NRG3: variants seen among roughly 807,000 people sequenced by gnomAD.
NRG3 encodes the protein pro-neuregulin-3, membrane-bound isoform.
NRG3 carries 31 observed loss-of-function variants against 66.9 expected under a neutral mutation model. The observed-to-expected ratio is 0.46, with a 90% CI of 0.35 to 0.63. The LOEUF (loss-of-function observed/expected upper bound fraction) is 0.63. NRG3 is among the 20% of genes least tolerant of loss of function. The pLI, the probability that NRG3 is intolerant of heterozygous loss-of-function variation, is 0.00. For missense variants in NRG3, 910 were observed against 878.9 expected, an observed-to-expected ratio of 1.04 and a Z score of -0.45; for synonymous variants, 393 against 359.4, an observed-to-expected ratio of 1.09 and a Z score of -1.06.
At chr10:82,431,210 C>T (rs2089784441) in intron 2 of NRG3, among the ~76,000 whole-genome samples, 1 of 152,052 alleles carries the variant, frequency 6.6e-6, no homozygotes, top group Non-Finnish European at 1.5e-5. Flanking sequence ...AAATACTAGC[C>T]TCATAAAAGG....
At chr10:82,136,898 T>C (rs1034849726) in intron 1 of NRG3, among the ~76,000 whole-genome samples, 2 of 152,312 alleles carry the variant, frequency 1.3e-5, no homozygotes, top group Middle Eastern at 3.4e-3. Flanking sequence ...TTCAAACACA[T>C]AGATTCTTCA....
At position 82,063,819 on chromosome 10, in the gene NRG3, C is replaced by G. The variant is rs570588109; in HGVS notation, c.823+187656C>G. ...TCAAAGGGAGAGCAAGTCCCTCCCA[C>G]CATCGTTTGATCTATCAGGTGTGAT... is the stretch of plus-strand genomic sequence containing the variant. On this transcript the variant is annotated intron_variant, in intron 1 of 8. Coordinates refer to ENST00000372141, the MANE Select transcript of NRG3 (RefSeq NM_001010848.4). Among the ~76,000 whole-genome samples, 4 of 152,314 alleles carry G rather than the reference C, an allele frequency of 2.6e-5. No individual in the cohort carries two copies. In the East Asian group the frequency reaches 7.7e-4, roughly 29 times the overall value.
chr10:82,958,734 A>G (rs1285861032), intron 5 of NRG3, among the ~76,000 whole-genome samples: 1 of 152,184 alleles, frequency 6.6e-6, no homozygotes, highest in Non-Finnish European at 1.5e-5. Context: ...GTGCCACTGA[A>G]TGTGAATTCC....
intron 2 of NRG3, among the ~76,000 whole-genome samples, chr10:82,579,547 G>A (rs748729304): frequency 1.5e-4 from 23 of 151,872 alleles, no homozygotes; most frequent in Admixed American, 6.6e-4. Context: ...GTGCGTTTGC[G>A]TGTGGTTGGC....
At chr10:81,931,726 T>C (rs1847368510) in intron 1 of NRG3, among the ~76,000 whole-genome samples, 1 of 152,182 alleles carries the variant, frequency 6.6e-6, no homozygotes, top group Admixed American at 6.5e-5. Context: ...TCGTTCCCCC[T>C]TTTCCCAATA....
chr10:82,374,952 C>A (rs1238141984), intron 2 of NRG3, among the ~76,000 whole-genome samples: 1 of 152,162 alleles, frequency 6.6e-6, no homozygotes, highest in Non-Finnish European at 1.5e-5. Flanking sequence ...CTCTGGGCAC[C>A]TGCGACACAA....
intron 1 of NRG3, among the ~76,000 whole-genome samples, chr10:82,046,257 G>A (rs1456961600): frequency 9.9e-6 from 1 of 101,298 alleles, no homozygotes; most frequent in Non-Finnish European, 2.2e-5. Context: ...GCAGTGGTTT[G>A]TAGTTCTCCT....
At chr10:81,941,776 G>A (rs1207995465) in intron 1 of NRG3, among the ~76,000 whole-genome samples, 1 of 152,078 alleles carries the variant, frequency 6.6e-6, no homozygotes, top group Non-Finnish European at 1.5e-5. Context: ...ATCTTCTTGG[G>A]GCTTGGAGAG....
intron 2 of NRG3, among the ~76,000 whole-genome samples, chr10:82,679,675 CA>C (rs1232352546): frequency 6.6e-6 from 1 of 152,088 alleles, no homozygotes; most frequent in East Asian, 1.9e-4. Flanking sequence ...GGGCAGTGTA[CA>C]AATACCCAAG....
intron 2 of NRG3, among the ~76,000 whole-genome samples, chr10:82,438,573 C>T (rs1222512981): frequency 6.6e-6 from 1 of 152,202 alleles, no homozygotes; most frequent in Non-Finnish European, 1.5e-5. Flanking sequence ...CACCCCTCAC[C>T]CCAGGAAGTC....
intron 1 of NRG3, among the ~76,000 whole-genome samples, chr10:82,020,979 T>G (rs2062032016): frequency 6.6e-6 from 1 of 152,022 alleles, no homozygotes; most frequent in African/African-American, 2.4e-5. Flanking sequence ...ATGGCAAGGC[T>G]CCTGAAGAAA....
intron 1 of NRG3, among the ~76,000 whole-genome samples, chr10:82,003,293 A>G (rs1440053155): frequency 6.6e-6 from 1 of 152,228 alleles, no homozygotes; most frequent in African/African-American, 2.4e-5. Context: ...GATGTCAAAC[A>G]GGCAACTGAA....
intron 1 of NRG3, among the ~76,000 whole-genome samples, chr10:82,032,353 G>A (rs1257520853): frequency 6.6e-6 from 1 of 151,682 alleles, no homozygotes; most frequent in African/African-American, 2.4e-5. Flanking sequence ...AAAGTACAAA[G>A]GAAGTTTTTT....
At chr10:82,114,895 G>C (rs2067611904) in intron 1 of NRG3, among the ~76,000 whole-genome samples, 1 of 152,090 alleles carries the variant, frequency 6.6e-6, no homozygotes, top group East Asian at 1.9e-4. Context: ...TACTCAACGT[G>C]TTTGCTAAAC....
chr10:82,963,561 T>G (rs892565736), intron 6 of NRG3, among the ~76,000 whole-genome samples: 2 of 152,260 alleles, frequency 1.3e-5, no homozygotes, highest in African/African-American at 4.8e-5. Flanking sequence ...ACGCCTGTAG[T>G]CCCAGCTACT....
chr10:82,920,665 G>A (rs1460422020), intron 4 of NRG3, among the ~76,000 whole-genome samples: 1 of 152,036 alleles, frequency 6.6e-6, no homozygotes, highest in Non-Finnish European at 1.5e-5. Flanking sequence ...TAGGACTACA[G>A]CAGGGAATAT....
At chr10:82,745,445 G>A (rs959638491) in intron 3 of NRG3, among the ~76,000 whole-genome samples, 2 of 152,140 alleles carry the variant, frequency 1.3e-5, no homozygotes, top group Admixed American at 1.3e-4. Flanking sequence ...ACTGGCATCT[G>A]CTGGGAATAC....
At chr10:82,256,399 G>A (rs533252491) in intron 1 of NRG3, among the ~76,000 whole-genome samples, 1 of 152,218 alleles carries the variant, frequency 6.6e-6, no homozygotes, top group South Asian at 2.1e-4. Context: ...ACTGTAGAGT[G>A]CTCCACAAAG....
chr10:82,527,386 G>T (rs1396038650), intron 2 of NRG3, among the ~76,000 whole-genome samples: 2 of 152,004 alleles, frequency 1.3e-5, no homozygotes, highest in Non-Finnish European at 2.9e-5. Flanking sequence ...TTTAAAAAAT[G>T]TGCATTACAA....
Sources: gnomAD v4.1 joint callset for allele counts (sites outside exome capture counted in the v4.1 genomes callset) on GRCh38, gnomAD v4.1.1 for gene constraint, MANE v1.5 for transcripts, NCBI Gene and HGNC (gene_info 2026-07-23, HGNC 2026-07-21) for gene names.